Variants in NDUFA11 observed in about 807,000 individuals in gnomAD.
NDUFA11 encodes NADH:ubiquinone oxidoreductase subunit A11, also known as NADH dehydrogenase [ubiquinone] 1 alpha subcomplex subunit 11.
Under a neutral mutation model 11.3 loss-of-function variants are expected in NDUFA11, and 14 were observed. The observed-to-expected ratio is 1.24, with a 90% CI of 0.82 to 1.94. The LOEUF is 1.94. NDUFA11 is among the 30% of genes most tolerant of loss of function. The pLI, the probability that NDUFA11 is intolerant of heterozygous loss-of-function variation, is 0.00. For synonymous variants in NDUFA11, 87 were observed against 85.6 expected (o/e 1.02, Z -0.09); for missense variants, 204 against 200.3 (o/e 1.02, Z -0.11).
At chr19:5,900,458 C>G (rs73920085) in intron 1 of NDUFA11, among the ~76,000 whole-genome samples, 10 of 152,166 alleles carry the variant, frequency 6.6e-5, no homozygotes, top group African/African-American at 2.4e-4. Context: ...ATAGTCTCCC[C>G]GCCGTCCAGG....
downstream of NDUFA11, chr19:5,892,960 A>G (rs1243819640): frequency 5.4e-6 from 8 of 1,492,132 alleles, no homozygotes; most frequent in Non-Finnish European, 6.2e-6. Context: ...CAATGACTCT[A>G]TTAGGGCTTG....
At chr19:5,899,941 C>T (rs1444036392) in intron 1 of NDUFA11, 1 of 152,242 alleles carries the variant, frequency 6.6e-6, no homozygotes, top group African/African-American at 2.4e-5. Flanking sequence ...GCGGAACCTC[C>T]TTACACCACC....
downstream of NDUFA11, chr19:5,894,598 C>T (rs770671127): frequency 4.6e-6 from 7 of 1,510,996 alleles, no homozygotes; most frequent in Non-Finnish European, 6.2e-6. Flanking sequence ...CTTATCTTAT[C>T]TCCCTTCCTC....
downstream of NDUFA11, chr19:5,892,952 A>G (rs2057586507): frequency 1.4e-6 from 2 of 1,468,440 alleles, no homozygotes; most frequent in African/African-American, 1.4e-5. Context: ...GTGTTTAACA[A>G]TGACTCTATT....
At chr19:5,893,013 G>A, downstream of NDUFA11, 1 of 1,533,562 alleles carries the variant, frequency 6.5e-7, no homozygotes, top group Admixed American at 2.0e-5. This position sits in a 1 kb window ranked among gnomAD's most constrained non-coding sequence, Gnocchi z 4.1. Flanking sequence ...CGGGGTGGGT[G>A]TGTCCGCCCT....
chr19:5,896,330 G>T lies in NDUFA11; in HGVS notation c.313+123C>A. Reference sequence around the variant, plus strand: ...GCTGTCGCTATGACTGAAATGGCTGGTGTTCAAGAAGGCTGCTTTACTTCT... The same window carrying T: ...GCTGTCGCTATGACTGAAATGGCTGTTGTTCAAGAAGGCTGCTTTACTTCT... On this transcript the variant is annotated intron_variant, in intron 3 of 3. Coordinates refer to ENST00000308961, the MANE Select transcript of NDUFA11 (RefSeq NM_175614.5). This position sits in a 1 kb window ranked among gnomAD's most constrained non-coding sequence, Gnocchi z 5.8. The T allele has an allele frequency of 8.7e-7, 1 of 1,146,208 alleles. No homozygotes were observed. Among genetic ancestry groups the T allele is most frequent in the Non-Finnish European group, 1.2e-6 (1 of 819,306 alleles). 71.0% of individuals were successfully genotyped at this position (1,146,208 alleles called of 1,614,324 possible). A position where few individuals can be genotyped will look rare whatever the true frequency, so the allele number is the denominator to read the frequency against.
Position 5,896,671 on chromosome 19 carries a change from C to T in NDUFA11, c.191-96G>A, listed in dbSNP as rs946276090. On this transcript the variant is annotated intron_variant, in intron 2 of 3. Coordinates refer to ENST00000308961, the MANE Select transcript of NDUFA11 (RefSeq NM_175614.5). This position sits in a 1 kb window ranked among gnomAD's most constrained non-coding sequence, Gnocchi z 5.8. ...AGTGTCTGGATGGAGAGAGATGCCA[C>T]GAGTCGGCTGCTCGCTGTGCATGGC... 2.9e-5 allele frequency: 44 copies of T among 1,529,626 alleles called. No homozygotes were observed. Among genetic ancestry groups the T allele is most frequent in the Admixed American group, 3.9e-5 (2 of 51,056 alleles). 94.8% of individuals were successfully genotyped at this position (1,529,626 alleles called of 1,614,324 possible).
At chr19:5,897,210 G>A (rs982859347) in intron 1 of NDUFA11, among the ~76,000 whole-genome samples, 5 of 152,090 alleles carry the variant, frequency 3.3e-5, no homozygotes, top group African/African-American at 9.7e-5. Flanking sequence ...CCCACTCCCC[G>A]CCAGGCCTTC....
At chr19:5,893,339 C>A (rs1315844468), downstream of NDUFA11, 2 of 762,600 alleles carry the variant, frequency 2.6e-6, no homozygotes, top group East Asian at 2.7e-5. This position sits in a 1 kb window ranked among gnomAD's most constrained non-coding sequence, Gnocchi z 4.1. Flanking sequence ...GTGGTGCACA[C>A]CTGCAGTCCC....
chr19:5,899,451 CTTTTTTTTT>C (rs71172780), intron 1 of NDUFA11, among the ~76,000 whole-genome samples: 4 of 68,846 alleles, frequency 5.8e-5, no homozygotes, highest in African/African-American at 1.2e-4. Flanking sequence ...CGCCCGGACT[CTTTTTTTTT>C]TTTTTTTTTT....
chr19:5,895,273 TG>T (rs2057600616), intron 3 of NDUFA11: 1 of 184,134 alleles, frequency 5.4e-6, no homozygotes, highest in African/African-American at 2.3e-5. Context: ...GCCCCGACAG[TG>T]CCCCCACTTC....
At chr19:5,903,224 A>C (rs1256371729) in intron 1 of NDUFA11, among the ~76,000 whole-genome samples, 1 of 151,930 alleles carries the variant, frequency 6.6e-6, no homozygotes, top group Non-Finnish European at 1.5e-5. Flanking sequence ...TACCGCCCTC[A>C]GATGCCCCAA....
At chr19:5,897,461 C>T (rs2057617735) in intron 1 of NDUFA11, among the ~76,000 whole-genome samples, 1 of 152,198 alleles carries the variant, frequency 6.6e-6, no homozygotes, top group South Asian at 2.1e-4. Flanking sequence ...CCATCAATGG[C>T]TCTATTCTCC....
intron 1 of NDUFA11, 60 bp downstream of exon 1, chr19:5,903,539 AAACAGCCCCCAGT>A: frequency 7.0e-7 from 1 of 1,427,456 alleles, no homozygotes; most frequent in Non-Finnish European, 9.6e-7. Context: ...CGTTCGATCC[AAACAGCCCCCAGT>A]AACCCCACGA....
At chr19:5,902,142 A>G (rs1006805802) in intron 1 of NDUFA11, among the ~76,000 whole-genome samples, 2 of 131,818 alleles carry the variant, frequency 1.5e-5, no homozygotes, top group African/African-American at 2.9e-5. Flanking sequence ...TGCCTGGCTG[A>G]TTTTTTGTAT....
rs1311037588 is a variant in NDUFA11 at position 5,896,387 on chromosome 19, G to A, written c.313+66C>T. 4.1e-6 allele frequency: 6 copies of A among 1,479,518 alleles called. No individual in the cohort carries two copies. Among genetic ancestry groups the A allele is most frequent in the Non-Finnish European group, 5.5e-6 (6 of 1,095,640 alleles). The allele number at this position is 1,479,518 out of a possible 1,614,324, so 91.6% of individuals were successfully genotyped here. ...GGATGGAACAGAGAGGGTGGAGGAT[G>A]AGCAGAGGTCAGGGGTCATTCTGCC... is the stretch of plus-strand genomic sequence containing the variant. On this transcript the variant is annotated intron_variant, in intron 3 of 3. Coordinates refer to ENST00000308961, the MANE Select transcript of NDUFA11 (RefSeq NM_175614.5). The surrounding 1 kb of genome is among the most constrained non-coding windows in gnomAD (Gnocchi z 5.8).
chr19:5,901,926 C>T (rs7246733), intron 1 of NDUFA11, among the ~76,000 whole-genome samples: 62,168 of 151,036 alleles, frequency 0.41, 13,378 homozygotes, highest in East Asian at 0.66. Flanking sequence ...CTGCCTCGGC[C>T]TCCCAAAGTG....
chr19:5,894,716 G>A lies in NDUFA11; in HGVS notation c.*26C>T, dbSNP rs955742240. The A allele has an allele frequency of 5.0e-6, 8 of 1,609,328 alleles. No individual in the cohort carries two copies. The African/African-American group carries it at 1.1e-4, about 22-fold the overall frequency. ...ATTTATTTCTGGACGCATTCTGCAG[G>A]CTGGAGGTCCCGGCAGGCACAGGGC... On this transcript the variant is annotated 3_prime_UTR_variant, in exon 4 of 4. Transcript: ENST00000308961.
downstream of NDUFA11, among the ~76,000 whole-genome samples, chr19:5,893,839 A>T (rs1192061739): frequency 1.3e-5 from 2 of 152,222 alleles, no homozygotes; most frequent in Admixed American, 1.3e-4. The surrounding 1 kb of genome is among the most constrained non-coding windows in gnomAD (Gnocchi z 4.1). Flanking sequence ...GGAGGGCCAT[A>T]GCCAGCCCTG....
Sources: gnomAD v4.1 joint callset for allele counts (sites outside exome capture counted in the v4.1 genomes callset) on GRCh38, gnomAD v4.1.1 for gene constraint, Gnocchi (gnomAD v3.1) non-coding constraint, MANE v1.5 for transcripts, NCBI Gene and HGNC (gene_info 2026-07-23, HGNC 2026-07-21) for gene names.